The following POTEF variants were observed in gnomAD, a reference collection of about 807,000 sequenced individuals.
The protein encoded by POTEF is POTE ankyrin domain family member F, also known as ANKRD26-like family C member 1B.
Under a neutral mutation model 83.2 loss-of-function variants are expected in POTEF, and 20 were observed. The observed-to-expected ratio is 0.24, with a 90% CI of 0.17 to 0.35. The LOEUF (loss-of-function observed/expected upper bound fraction) is 0.35. Among genes scored for constraint, POTEF ranks in the 10% least tolerant of loss-of-function variants. POTEF has a pLI of 1.00. For synonymous variants in POTEF, 196 were observed against 446.4 expected (o/e 0.44, Z 7.07); for missense variants, 550 against 1,203.2 (o/e 0.46, Z 8.03).
intron 15 of POTEF, among the ~76,000 whole-genome samples, chr2:130,083,431 A>T (rs1453058096): frequency 1.3e-5 from 2 of 149,476 alleles, no homozygotes; most frequent in Admixed American, 1.3e-4. Flanking sequence ...AGCAAAACAG[A>T]CCATGATAAA....
Position 130,112,161 on chromosome 2 carries a change from G to T in POTEF, c.811-60C>A, listed in dbSNP as rs4092181. 2.4e-5 allele frequency: 25 copies of T among 1,022,712 alleles called. 1 individual carries two copies. Among genetic ancestry groups the T allele is most frequent in the Non-Finnish European group, 3.2e-5 (24 of 738,928 alleles). 63.4% of individuals were successfully genotyped at this position (1,022,712 alleles called of 1,614,324 possible). A position where few individuals can be genotyped will look rare whatever the true frequency, so the allele number is the denominator to read the frequency against. Reference sequence around the variant, plus strand: ...TCAAAAAAGTACATATTCCTCAACCGAAGTGGAAACTTTATATAAGATCTT... The same window carrying T: ...TCAAAAAAGTACATATTCCTCAACCTAAGTGGAAACTTTATATAAGATCTT... On this transcript the variant is annotated intron_variant, in intron 5 of 16. Coordinates refer to ENST00000409914, the MANE Select transcript of POTEF (RefSeq NM_001099771.2).
Position 130,120,366 on chromosome 2 carries a change from G to A in POTEF, c.150C>T (p.Asp50=), listed in dbSNP as rs1308144320. 2 of 1,597,046 alleles carry A rather than the reference G, an allele frequency of 1.3e-6. No homozygotes were observed. The highest frequency in any genetic ancestry group is 1.7e-5 in the Admixed American group (1 of 59,304). ...TCCTGAGTGTCTTCATAGCAGAGTCGTCGTGGTCTCCAGAAGTGCCCACGT... is the reference window on the plus strand; with the variant it reads ...TCCTGAGTGTCTTCATAGCAGAGTCATCGTGGTCTCCAGAAGTGCCCACGT... ...KSNVGTSGDH[D]DSAMKTLRSK... The change falls in exon 3 of 17, where the codon GAC becomes GAT. Residue 50 remains aspartate (D), a synonymous_variant. Coordinates refer to ENST00000409914, the MANE Select transcript of POTEF (RefSeq NM_001099771.2).
At chr2:130,125,813 G>A (rs1685078143) in intron 2 of POTEF, among the ~76,000 whole-genome samples, 1 of 151,428 alleles carries the variant, frequency 6.6e-6, no homozygotes, top group African/African-American at 2.4e-5. Context: ...GGCCAAGGCA[G>A]GAGAACTGCT....
chr2:130,115,589 A>G (rs1684826964), intron 3 of POTEF, among the ~76,000 whole-genome samples: 2 of 152,136 alleles, frequency 1.3e-5, no homozygotes, highest in South Asian at 4.1e-4. Context: ...AAGCTCTGTC[A>G]CTTCCTGGCT....
chr2:130,076,505 G>C (rs2104774274), intron 16 of POTEF, among the ~76,000 whole-genome samples: 1 of 149,124 alleles, frequency 6.7e-6, no homozygotes, highest in East Asian at 2.0e-4. Flanking sequence ...GTGAAATAGG[G>C]GAAATATACT....
intron 15 of POTEF, among the ~76,000 whole-genome samples, chr2:130,083,268 G>A (rs1362553669): frequency 2.6e-5 from 4 of 151,964 alleles, no homozygotes; most frequent in South Asian, 2.1e-4. Context: ...TCATGAGGCA[G>A]AGGTTGCAAT....
chr2:130,121,230 T>G (rs957008001), intron 2 of POTEF, among the ~76,000 whole-genome samples: 1 of 148,044 alleles, frequency 6.8e-6, no homozygotes, highest in Non-Finnish European at 1.5e-5. Context: ...GCGCCACGAA[T>G]GTCACTGACA....
At chr2:130,118,395 TTTA>T (rs1478426771) in intron 3 of POTEF, among the ~76,000 whole-genome samples, 1 of 151,928 alleles carries the variant, frequency 6.6e-6, no homozygotes, top group Admixed American at 6.6e-5. Flanking sequence ...ATGAGCTTAT[TTTA>T]TTATGTCTGC....
chr2:130,119,327 C>T (rs946439000), intron 3 of POTEF, among the ~76,000 whole-genome samples: 2 of 151,848 alleles, frequency 1.3e-5, no homozygotes, highest in African/African-American at 4.9e-5. Context: ...CCGCACCCGG[C>T]TAATTTTTTT....
chr2:130,129,119 G>A lies in POTEF; in HGVS notation c.-297C>T, dbSNP rs1405154750. On this transcript the variant is annotated 5_prime_UTR_variant, in exon 1 of 17. It adds an upstream start codon to the 5' untranslated region. Transcript: ENST00000409914. ...CTCTGGCCGAGCTGCAGTGTCCCACGTCACCACCAAACACAGCAAGGCGAG... is the reference window on the plus strand; with the variant it reads ...CTCTGGCCGAGCTGCAGTGTCCCACATCACCACCAAACACAGCAAGGCGAG... 111 of 94,808 alleles carry A rather than the reference G, an allele frequency of 1.2e-3. 1 individual carries two copies. The highest frequency in any genetic ancestry group is 4.8e-3 in the African/African-American group (105 of 21,958). The allele number at this position is 94,808 out of a possible 1,614,324, so 5.9% of individuals were successfully genotyped here.
At chr2:130,113,087 A>G (rs990647117) in intron 5 of POTEF, among the ~76,000 whole-genome samples, 2 of 144,004 alleles carry the variant, frequency 1.4e-5, no homozygotes, top group Admixed American at 6.9e-5. Flanking sequence ...CCACAGAGAT[A>G]AAAGTCAGAC....
At chr2:130,122,141 T>C (rs1051857237) in intron 2 of POTEF, among the ~76,000 whole-genome samples, 1 of 145,056 alleles carries the variant, frequency 6.9e-6, no homozygotes, top group Non-Finnish European at 1.5e-5. Context: ...TTTTGGAGCA[T>C]GTATTAATAT....
intron 5 of POTEF, among the ~76,000 whole-genome samples, chr2:130,113,660 T>G (rs1684770011): frequency 7.6e-6 from 1 of 130,972 alleles, no homozygotes; most frequent in Admixed American, 8.6e-5. Context: ...CCACCATGCC[T>G]GGCTTCAAGG....
At chr2:130,104,478 G>C (rs1684459434) in intron 8 of POTEF, among the ~76,000 whole-genome samples, 1 of 149,416 alleles carries the variant, frequency 6.7e-6, no homozygotes, top group Non-Finnish European at 1.5e-5. Context: ...ATATTGCTTT[G>C]TTTAAAGGAA....
intron 2 of POTEF, among the ~76,000 whole-genome samples, chr2:130,121,955 T>C (rs1256135694): frequency 6.6e-6 from 1 of 150,718 alleles, no homozygotes; most frequent in Non-Finnish European, 1.5e-5. Flanking sequence ...TTCCCTATTT[T>C]CCCCATTCTT....
At position 130,075,070 on chromosome 2, in the gene POTEF, T is replaced by C. The variant is rs764422044; in HGVS notation, c.2402A>G (p.His801Arg). The part of the protein sequence containing the change: ...YNELRVAPEE[H>R]PVLLTEATLN... ...GGTGGCCTCGGTCAGCAGGACGGGG[T>C]GCTCCTCGGGAGCCACACGCAGCTC... Residue 801 changes from histidine (H) to arginine (R), a missense_variant, in exon 17 of 17, where the codon CAC becomes CGC. By Grantham distance (29) the His-to-Arg change is conservative. Transcript: ENST00000409914. 6.2e-7 allele frequency: 1 copy of C among 1,613,794 alleles called. No homozygotes were observed. Among genetic ancestry groups the C allele is most frequent in the Non-Finnish European group, 8.5e-7 (1 of 1,179,952 alleles).
At chr2:130,128,284 G>C (rs1685147238) in intron 1 of POTEF, among the ~76,000 whole-genome samples, 1 of 151,686 alleles carries the variant, frequency 6.6e-6, no homozygotes, top group Admixed American at 6.6e-5. Context: ...GGAGGTGCAG[G>C]CCGGAGAACC....
At chr2:130,125,687 C>T (rs1558898461) in intron 2 of POTEF, among the ~76,000 whole-genome samples, 2 of 152,012 alleles carry the variant, frequency 1.3e-5, no homozygotes, top group Non-Finnish European at 2.9e-5. Context: ...GGGTGGATCA[C>T]CTGAGGTCAG....
intron 8 of POTEF, among the ~76,000 whole-genome samples, chr2:130,102,714 C>T (rs571807315): frequency 6.6e-6 from 1 of 151,014 alleles, no homozygotes; most frequent in East Asian, 1.9e-4. Context: ...TCACTCAGAG[C>T]TGTTTTTACA....
Sources: gnomAD v4.1 joint callset for allele counts (sites outside exome capture counted in the v4.1 genomes callset) on GRCh38, gnomAD v4.1.1 for gene constraint, MANE v1.5 for transcripts, NCBI Gene and HGNC (gene_info 2026-07-23, HGNC 2026-07-21) for gene names.